The following WWOX variants were observed in gnomAD, a reference collection of about 807,000 sequenced individuals.
The protein encoded by WWOX is WW domain containing oxidoreductase, also known as WW domain-containing oxidoreductase.
WWOX carries 69 observed loss-of-function variants against 46.2 expected under a neutral mutation model. The ratio of observed to expected loss-of-function variants is 1.49; its 90% CI spans 1.23 to 1.82. The LOEUF is 1.82. Among genes scored for constraint, WWOX ranks in the 40% most tolerant of loss-of-function variants. The probability of loss-of-function intolerance (pLI) is 0.00; values close to 1 mark genes in which losing one functional copy is unlikely to be tolerated. For synonymous variants in WWOX, 359 were observed against 202.6 expected (o/e 1.77, Z -6.56); for missense variants, 919 against 542.6 (o/e 1.69, Z -6.89).
intron 8 of WWOX, among the ~76,000 whole-genome samples, chr16:78,602,422 C>A (rs551362735): frequency 6.6e-6 from 1 of 152,190 alleles, no homozygotes; most frequent in African/African-American, 2.4e-5. Flanking sequence ...TTAGTGGAGA[C>A]GGGGTTTCAC....
intron 8 of WWOX, among the ~76,000 whole-genome samples, chr16:78,958,959 C>A (rs796567279): frequency 6.6e-6 from 1 of 152,168 alleles, no homozygotes; most frequent in African/African-American, 2.4e-5. Context: ...GGTTCAAGAT[C>A]TGAGGTAAAT....
rs1433071438 is a variant in WWOX, at chr16:78,414,161, C to G, written c.606-10709C>G. Among the ~76,000 whole-genome samples, 65 of 151,782 alleles carry G rather than the reference C, an allele frequency of 4.3e-4. 2 individuals are homozygous for G. Among genetic ancestry groups the G allele is most frequent in the Admixed American group, 4.3e-3 (65 of 15,224 alleles). On this transcript the variant is annotated intron_variant, in intron 6 of 8. Coordinates refer to ENST00000566780, the MANE Select transcript of WWOX (RefSeq NM_016373.4). ...CCCGCCCCTGCCTGCAAGACAAAAC[C>G]CCCTTTAACTGTAATTTTCCACTAC...
intron 8 of WWOX, among the ~76,000 whole-genome samples, chr16:78,795,164 G>C (rs2050704273): frequency 1.3e-5 from 2 of 152,150 alleles, no homozygotes; most frequent in African/African-American, 2.4e-5. Context: ...TACATTTATA[G>C]AGTGTTCAAA....
rs575182291 is a variant in WWOX, at chr16:78,523,901, C to T, written c.1056+91149C>T. ...GATGAAGAAATTACAGGTAAGAACA[C>T]AGCCCCATTTTAAGAAATACCAGTG... On this transcript the variant is annotated intron_variant, in intron 8 of 8. Coordinates refer to ENST00000566780, the MANE Select transcript of WWOX (RefSeq NM_016373.4). 4.0e-5 allele frequency among the ~76,000 whole-genome samples: 6 copies of T among 151,474 alleles called. No homozygotes were observed. In the South Asian group the frequency reaches 1.0e-3, roughly 26 times the overall value.
chr16:78,715,568 C>A (rs1459710183), intron 8 of WWOX, among the ~76,000 whole-genome samples: 1 of 151,526 alleles, frequency 6.6e-6, no homozygotes, highest in African/African-American at 2.4e-5. Flanking sequence ...ATTGCAACCT[C>A]CGCCTCTTGG....
intron 8 of WWOX, among the ~76,000 whole-genome samples, chr16:78,580,720 G>A (rs1390981065): frequency 6.6e-6 from 1 of 152,210 alleles, no homozygotes. Context: ...CACGAATACT[G>A]CAGTGGTGAG....
chr16:78,518,342 C>A (rs963655061), intron 8 of WWOX, among the ~76,000 whole-genome samples: 1 of 152,146 alleles, frequency 6.6e-6, no homozygotes, highest in Middle Eastern at 3.2e-3. Context: ...AGTGATTCTC[C>A]TGCCTCAGCC....
intron 8 of WWOX, among the ~76,000 whole-genome samples, chr16:78,498,638 T>C (rs537638651): frequency 6.6e-6 from 1 of 152,344 alleles, no homozygotes; most frequent in Admixed American, 6.5e-5. Flanking sequence ...CATTGTTGTT[T>C]CACTAATTCT....
At chr16:78,800,512 A>G (rs2050858962) in intron 8 of WWOX, among the ~76,000 whole-genome samples, 2 of 152,158 alleles carry the variant, frequency 1.3e-5, no homozygotes, top group Admixed American at 1.3e-4. Flanking sequence ...AGGTCTAGGA[A>G]CGGGGGTAAG....
intron 8 of WWOX, among the ~76,000 whole-genome samples, chr16:78,822,704 A>G (rs2051537369): frequency 6.6e-6 from 1 of 152,178 alleles, no homozygotes; most frequent in African/African-American, 2.4e-5. Context: ...CTTTTTATGC[A>G]ACATCATCAT....
chr16:79,150,652 T>C (rs1317205944), intron 8 of WWOX, among the ~76,000 whole-genome samples: 1 of 152,202 alleles, frequency 6.6e-6, no homozygotes, highest in East Asian at 1.9e-4. Flanking sequence ...TTTTTAAATA[T>C]TAAATCATCC....
At chr16:78,885,506 C>T (rs2044436485) in intron 8 of WWOX, among the ~76,000 whole-genome samples, 1 of 152,172 alleles carries the variant, frequency 6.6e-6, no homozygotes. Context: ...AATAGTTCTT[C>T]ACAGTTTTCC....
At chr16:78,770,133 C>T (rs903618931) in intron 8 of WWOX, among the ~76,000 whole-genome samples, 5 of 152,050 alleles carry the variant, frequency 3.3e-5, no homozygotes, top group African/African-American at 1.2e-4. Flanking sequence ...GGGCCAATCA[C>T]TGAGGTCAGG....
At chr16:78,756,293 C>A (rs2049644404) in intron 8 of WWOX, among the ~76,000 whole-genome samples, 1 of 151,894 alleles carries the variant, frequency 6.6e-6, no homozygotes, top group African/African-American at 2.4e-5. Context: ...ACTGTCAAAA[C>A]TGGGTTTATC....
At chr16:79,023,668 C>T (rs905281671) in intron 8 of WWOX, among the ~76,000 whole-genome samples, 2 of 152,044 alleles carry the variant, frequency 1.3e-5, no homozygotes, top group East Asian at 3.9e-4. Context: ...ACCTGTAATC[C>T]CAGCACTTTG....
intron 4 of WWOX, among the ~76,000 whole-genome samples, chr16:78,142,197 G>A (rs190662355): frequency 3.3e-5 from 5 of 152,104 alleles, no homozygotes; most frequent in African/African-American, 1.2e-4. Context: ...AAGCAACATG[G>A]TCAATATTTA....
intron 8 of WWOX, among the ~76,000 whole-genome samples, chr16:78,730,151 C>G (rs938185080): frequency 1.3e-5 from 2 of 152,082 alleles, no homozygotes; most frequent in Non-Finnish European, 2.9e-5. Flanking sequence ...ACTACTTGGG[C>G]AAGAATATAA....
intron 8 of WWOX, among the ~76,000 whole-genome samples, chr16:78,446,233 T>C (rs141936211): frequency 6.6e-6 from 1 of 152,316 alleles, no homozygotes; most frequent in African/African-American, 2.4e-5. Context: ...CCAGAGAGTA[T>C]TTTGTAACCT....
intron 8 of WWOX, among the ~76,000 whole-genome samples, chr16:79,132,381 C>G (rs954196431): frequency 1.3e-5 from 2 of 152,150 alleles, no homozygotes; most frequent in South Asian, 2.1e-4. Context: ...GAATAGTTTT[C>G]TCTTTGTCTA....
Sources: gnomAD v4.1 joint callset for allele counts (sites outside exome capture counted in the v4.1 genomes callset) on GRCh38, gnomAD v4.1.1 for gene constraint, MANE v1.5 for transcripts, NCBI Gene and HGNC (gene_info 2026-07-23, HGNC 2026-07-21) for gene names.